The following CADM1 variants were observed in gnomAD, a reference collection of about 807,000 sequenced individuals.
CADM1 encodes the protein TSLC-1.
A neutral mutation model predicts 53.1 loss-of-function variants in CADM1; 15 were observed. That is an observed-to-expected ratio of 0.28 (90% CI 0.19 to 0.44). The LOEUF (loss-of-function observed/expected upper bound fraction) is 0.44, where lower values mean the gene tolerates loss of function less well. CADM1 is among the 20% of genes least tolerant of loss of function. CADM1 has a pLI of 1.00. For missense variants in CADM1, 434 were observed against 611.3 expected (o/e 0.71, Z 3.06); for synonymous variants, 281 against 243.0 (o/e 1.16, Z -1.45).
At chr11:115,318,389 G>C (rs1238691556) in intron 1 of CADM1, among the ~76,000 whole-genome samples, 1 of 152,154 alleles carries the variant, frequency 6.6e-6, no homozygotes, top group East Asian at 1.9e-4. Flanking sequence ...ACACATCTAT[G>C]CTTAGTTTCC....
At chr11:115,189,128 G>A (rs149499704) in intron 10 of CADM1, among the ~76,000 whole-genome samples, 1 of 152,222 alleles carries the variant, frequency 6.6e-6, no homozygotes, top group Non-Finnish European at 1.5e-5. Context: ...TGCAGGGAGT[G>A]GGGGAGGGGG....
intron 1 of CADM1, among the ~76,000 whole-genome samples, chr11:115,278,184 GAAT>G (rs149686737): frequency 0.06 from 9,070 of 152,080 alleles, 569 homozygotes; most frequent in East Asian, 0.32. Context: ...TAAAGGGAAA[GAAT>G]AATAATACCC....
intron 1 of CADM1, among the ~76,000 whole-genome samples, chr11:115,332,249 A>C (rs1217860104): frequency 6.6e-6 from 1 of 152,216 alleles, no homozygotes; most frequent in East Asian, 1.9e-4. Flanking sequence ...AAGGAATGGA[A>C]GAGAAGACAG....
rs761329197 is a variant in CADM1 at position 115,214,650 on chromosome 11, T to C, written c.952A>G (p.Ile318Val). Residue 318 changes from isoleucine to valine, a missense_variant, in exon 7 of 12, where the codon ATA becomes GTA. Physicochemically the swap from Ile to Val is conservative, Grantham distance 29. Around this residue, in one of 4 missense-constraint regions of CADM1, gnomAD observed 311 missense variants for 435.1 expected, o/e 0.71. Transcript: ENST00000331581. ...NGTYRCEASN[I>V]VGKAHSDYML... is the part of the protein sequence containing the mutation. ...TAATCCGAGTGAGCTTTCCCCACTA[T>C]GTTTGAAGCTTCACAGCGGTATGTA... 1 of 1,614,080 alleles carries C rather than the reference T, an allele frequency of 6.2e-7. No homozygotes were observed. Among genetic ancestry groups the C allele is most frequent in the Non-Finnish European group, 8.5e-7 (1 of 1,179,946 alleles).
chr11:115,321,862 TCTG>T (rs1944833315), intron 1 of CADM1, among the ~76,000 whole-genome samples: 2 of 152,334 alleles, frequency 1.3e-5, no homozygotes, highest in Non-Finnish European at 2.9e-5. Flanking sequence ...AAATGCACCA[TCTG>T]CTGTGTCTTA....
At chr11:115,467,486 C>G (rs1948921099) in intron 1 of CADM1, among the ~76,000 whole-genome samples, 1 of 152,186 alleles carries the variant, frequency 6.6e-6, no homozygotes. Context: ...AAAATATTTC[C>G]TAAATGCTCA....
chr11:115,386,728 TCA>T (rs1477283641), intron 1 of CADM1, among the ~76,000 whole-genome samples: 1 of 152,132 alleles, frequency 6.6e-6, no homozygotes, highest in East Asian at 1.9e-4. Flanking sequence ...CATGACCCAG[TCA>T]CCCCTTAAAG....
At chr11:115,474,547 A>G (rs1949086746) in intron 1 of CADM1, among the ~76,000 whole-genome samples, 1 of 151,816 alleles carries the variant, frequency 6.6e-6, no homozygotes, top group Non-Finnish European at 1.5e-5. Flanking sequence ...TGTCCTTTAT[A>G]GGGACATGAA....
At chr11:115,450,123 T>C (rs1392835170) in intron 1 of CADM1, among the ~76,000 whole-genome samples, 2 of 152,198 alleles carry the variant, frequency 1.3e-5, no homozygotes, top group Non-Finnish European at 2.9e-5. Flanking sequence ...ATAGTGATTC[T>C]GTTTGACCCA....
intron 1 of CADM1, among the ~76,000 whole-genome samples, chr11:115,411,401 G>A (rs193213264): frequency 2.6e-5 from 4 of 152,242 alleles, no homozygotes; most frequent in African/African-American, 9.6e-5. Context: ...TAATGTTCCT[G>A]ACTTCAGATA....
At chr11:115,432,315 G>C (rs1948076556) in intron 1 of CADM1, among the ~76,000 whole-genome samples, 1 of 152,044 alleles carries the variant, frequency 6.6e-6, no homozygotes, top group Non-Finnish European at 1.5e-5. Flanking sequence ...GCTCACCATT[G>C]TCCCTTTCTC....
At chr11:115,373,489 G>A (rs2135131153) in intron 1 of CADM1, among the ~76,000 whole-genome samples, 1 of 151,058 alleles carries the variant, frequency 6.6e-6, no homozygotes, top group East Asian at 2.0e-4. Context: ...GGTGGCTGAG[G>A]CGTGAGAATT....
intron 1 of CADM1, among the ~76,000 whole-genome samples, chr11:115,346,765 G>A (rs1222530882): frequency 1.3e-5 from 2 of 152,066 alleles, no homozygotes; most frequent in Admixed American, 6.6e-5. Context: ...CCTTATATGG[G>A]CTTGCCCCAC....
intron 1 of CADM1, among the ~76,000 whole-genome samples, chr11:115,503,260 C>A (rs552256154): frequency 6.6e-6 from 1 of 152,300 alleles, no homozygotes; most frequent in South Asian, 2.1e-4. Context: ...CCAACGCGCC[C>A]GGCACACGGG....
chr11:115,277,019 C>A (rs1016862821), intron 1 of CADM1, among the ~76,000 whole-genome samples: 2 of 152,182 alleles, frequency 1.3e-5, no homozygotes, highest in African/African-American at 4.8e-5. Context: ...AAATTGCGAG[C>A]CCGAGGGCAA....
intron 1 of CADM1, among the ~76,000 whole-genome samples, chr11:115,355,707 A>AACACACAC (rs71066418): frequency 2.1e-4 from 31 of 150,940 alleles, no homozygotes; most frequent in African/African-American, 6.3e-4. Context: ...TTAAATTACT[A>AACACACAC]ACACACACAC....
intron 1 of CADM1, among the ~76,000 whole-genome samples, chr11:115,265,932 A>T (rs1198660948): frequency 6.6e-6 from 1 of 152,218 alleles, no homozygotes; most frequent in Non-Finnish European, 1.5e-5. Context: ...TTCCTGGACC[A>T]CAGCCTCACA....
At chr11:115,295,766 G>C (rs746337935) in intron 1 of CADM1, among the ~76,000 whole-genome samples, 2 of 151,426 alleles carry the variant, frequency 1.3e-5, no homozygotes, top group South Asian at 4.2e-4. Flanking sequence ...GATCAAACTA[G>C]CCTACAACAT....
At chr11:115,477,195 A>G (rs1949154276) in intron 1 of CADM1, among the ~76,000 whole-genome samples, 1 of 152,190 alleles carries the variant, frequency 6.6e-6, no homozygotes. Context: ...ACAATGAAGA[A>G]AAAAATCAAG....
Sources: gnomAD v4.1 joint callset for allele counts (sites outside exome capture counted in the v4.1 genomes callset) on GRCh38, gnomAD v4.1.1 for gene constraint, gnomAD v4.1.1 regional missense constraint, MANE v1.5 for transcripts, NCBI Gene and HGNC (gene_info 2026-07-23, HGNC 2026-07-21) for gene names.